The following ZMYND11 variants were observed in gnomAD, a reference collection of about 807,000 sequenced individuals.
ZMYND11 encodes the protein zinc finger MYND domain-containing protein 11.
A neutral mutation model predicts 84.9 loss-of-function variants in ZMYND11; 9 were observed. The ratio of observed to expected loss-of-function variants is 0.11; its 90% CI spans 0.06 to 0.18. ZMYND11 has a LOEUF of 0.18. ZMYND11 is among the 10% of genes least tolerant of loss of function. The pLI is 1.00. For missense variants in ZMYND11, 409 were observed against 761.0 expected, an observed-to-expected ratio of 0.54 and a Z score of 5.44; for synonymous variants, 250 against 244.1, an observed-to-expected ratio of 1.02 and a Z score of -0.23.
rs769821176 is a variant in ZMYND11 at position 180,099 on chromosome 10, G to A, written c.87G>A (p.Lys29=). ...CCATTGAGATTATACGGAACCAGAA[G>A]CAGATTGCCAACATTGACCGTATTA... ...WAAIEIIRNQ[K]QIANIDRITK... is the part of the protein sequence containing the mutation. The change falls in exon 2 of 15, where the codon AAG becomes AAA. Residue 29 remains lysine (K), a synonymous_variant. Coordinates refer to ENST00000381604, the MANE Select transcript of ZMYND11 (RefSeq NM_001370100.5). 5 of 1,613,302 alleles carry A rather than the reference G, an allele frequency of 3.1e-6. No homozygotes were observed. Among genetic ancestry groups the A allele is most frequent in the Non-Finnish European group, 4.2e-6 (5 of 1,179,480 alleles).
At chr10:172,098 C>T (rs535863812) in intron 1 of ZMYND11, among the ~76,000 whole-genome samples, 1 of 152,278 alleles carries the variant, frequency 6.6e-6, no homozygotes, top group South Asian at 2.1e-4. Context: ...TCTCTGAAGC[C>T]TCTTTTATAA....
At chr10:152,332 A>G (rs1359368398) in intron 1 of ZMYND11, among the ~76,000 whole-genome samples, 4 of 152,216 alleles carry the variant, frequency 2.6e-5, no homozygotes, top group African/African-American at 9.7e-5. Flanking sequence ...TCTCATGTGC[A>G]GAGACACACA....
At chr10:218,260 G>A (rs780589371) in intron 3 of ZMYND11, among the ~76,000 whole-genome samples, 4 of 152,070 alleles carry the variant, frequency 2.6e-5, no homozygotes, top group Non-Finnish European at 4.4e-5. Flanking sequence ...TCTTATGTTT[G>A]CATGCTTCTG....
chr10:248,237 A>G (rs1952587996), intron 12 of ZMYND11, 99 bp from the exon 13 acceptor site: 10 of 1,433,244 alleles, frequency 7.0e-6, no homozygotes, highest in Non-Finnish European at 9.5e-6. Flanking sequence ...TTCTATGGCT[A>G]TTATGTATAT....
chr10:236,810 C>T, intron 4 of ZMYND11, 28 bp from the exon 5 acceptor site: 1 of 1,579,446 alleles, frequency 6.3e-7, no homozygotes, highest in Middle Eastern at 1.7e-4. Flanking sequence ...AGATTTTGTA[C>T]CTTTTTTTAT....
At chr10:189,767 C>T (rs1391792766) in intron 2 of ZMYND11, among the ~76,000 whole-genome samples, 4 of 152,090 alleles carry the variant, frequency 2.6e-5, no homozygotes, top group East Asian at 1.9e-4. Flanking sequence ...AATAATAAGG[C>T]GGTAGTACCA....
intron 7 of ZMYND11, chr10:239,823 G>C: frequency 1.8e-6 from 1 of 551,804 alleles, no homozygotes; most frequent in East Asian, 2.9e-5. Context: ...TTCCCCACTA[G>C]TACCACATCA....
chr10:236,365 G>A (rs1949967978), intron 4 of ZMYND11, among the ~76,000 whole-genome samples: 3 of 152,226 alleles, frequency 2.0e-5, no homozygotes, highest in Admixed American at 1.3e-4. Flanking sequence ...CAGAAATGGA[G>A]ATGTTAGTAT....
chr10:158,746 C>A (rs559377619), intron 1 of ZMYND11, among the ~76,000 whole-genome samples: 1 of 152,086 alleles, frequency 6.6e-6, no homozygotes, highest in Non-Finnish European at 1.5e-5. Context: ...TGATTGAAGC[C>A]ATCCTAGTGG....
In ZMYND11 at chr10:209,301, A is replaced by T. The variant is rs374260829; in HGVS notation, c.117-588A>T. On this transcript the variant is annotated intron_variant, in intron 2 of 14. Coordinates refer to ENST00000381604, the MANE Select transcript of ZMYND11 (RefSeq NM_001370100.5). ...ATACCTTGTAACGGTAAATCAGGGA[A>T]TGTTTGCGTGCTTCAGTGACTCAAA... Among the ~76,000 whole-genome samples the T allele has an allele frequency of 3.0e-4, 45 of 152,208 alleles. 1 individual carries two copies. In the South Asian group the frequency reaches 9.1e-3, roughly 31 times the overall value.
intron 1 of ZMYND11, among the ~76,000 whole-genome samples, chr10:159,116 CT>C (rs1179359339): frequency 1.3e-3 from 177 of 132,272 alleles, no homozygotes; most frequent in African/African-American, 4.4e-3. Flanking sequence ...CATGATCCCT[CT>C]TTTTTTTTTT....
chr10:147,278 G>A (rs558868388), intron 1 of ZMYND11, among the ~76,000 whole-genome samples: 1 of 152,186 alleles, frequency 6.6e-6, no homozygotes, highest in Non-Finnish European at 1.5e-5. Flanking sequence ...AGGACTTCCA[G>A]TACTGTGTTG....
intron 2 of ZMYND11, among the ~76,000 whole-genome samples, chr10:207,366 G>A (rs1944385812): frequency 2.0e-5 from 3 of 152,176 alleles, no homozygotes; most frequent in Admixed American, 6.5e-5. Flanking sequence ...TAATGGGATG[G>A]CTGGGTCAAA....
Position 236,883 on chromosome 10 carries a change from C to T in ZMYND11, c.484C>T (p.Leu162Phe). 1 of 1,613,408 alleles carries T rather than the reference C, an allele frequency of 6.2e-7. No homozygotes were observed. The change falls in exon 5 of 15, where the codon CTC becomes TTC. Residue 162 changes from leucine to phenylalanine, a missense_variant. By Grantham distance (22) the Leu-to-Phe change is conservative (BLOSUM62 0). Around this residue, in one of 7 missense-constraint regions of ZMYND11, gnomAD observed 53 missense variants for 71.1 expected, o/e 0.75. Coordinates refer to ENST00000381604, the MANE Select transcript of ZMYND11 (RefSeq NM_001370100.5). ...AAACAAACAGGAGATGGGCACATAC[C>T]TCAGATTCATTGTCTCCCGCATGAA... ...NTNKQEMGTY[L>F]RFIVSRMKER...
At chr10:164,023 CT>C (rs782210573) in intron 1 of ZMYND11, among the ~76,000 whole-genome samples, 2 of 152,150 alleles carry the variant, frequency 1.3e-5, no homozygotes, top group Non-Finnish European at 2.9e-5. Context: ...GGAATGCCAA[CT>C]ATTTTTGATT....
intron 1 of ZMYND11, among the ~76,000 whole-genome samples, chr10:163,673 T>TC (rs1843394586): frequency 6.6e-6 from 1 of 152,070 alleles, no homozygotes; most frequent in Admixed American, 6.6e-5. Context: ...TTCCTCCTTC[T>TC]CCCCCAACCT....
chr10:243,402 C>G (rs1216529917), intron 10 of ZMYND11, among the ~76,000 whole-genome samples: 1 of 152,100 alleles, frequency 6.6e-6, no homozygotes, highest in Non-Finnish European at 1.5e-5. Context: ...ATTTTTATAG[C>G]CATACTAATA....
At chr10:153,754 T>C (rs1840981478) in intron 1 of ZMYND11, among the ~76,000 whole-genome samples, 1 of 152,216 alleles carries the variant, frequency 6.6e-6, no homozygotes, top group Non-Finnish European at 1.5e-5. Flanking sequence ...CACAACACTT[T>C]TATAAACCAA....
At chr10:186,100 C>T (rs923192596) in intron 2 of ZMYND11, among the ~76,000 whole-genome samples, 1 of 151,412 alleles carries the variant, frequency 6.6e-6, no homozygotes, top group African/African-American at 2.4e-5. Flanking sequence ...AGCTCCGCCT[C>T]CCGGGTTCAC....
Sources: allele counts gnomAD v4.1 joint callset (sites outside exome capture counted in the v4.1 genomes callset), GRCh38; gene constraint gnomAD v4.1.1; regional missense constraint gnomAD v4.1.1; transcripts MANE v1.5; gene names NCBI Gene and HGNC (gene_info 2026-07-23, HGNC 2026-07-21).